SLC4A4: variants seen among roughly 807,000 people sequenced by gnomAD.
The protein encoded by SLC4A4 is solute carrier family 4 member 4.
Under a neutral mutation model 111.5 loss-of-function variants are expected in SLC4A4, and 27 were observed. That is an observed-to-expected ratio of 0.24 (90% confidence interval 0.18 to 0.33). The LOEUF (loss-of-function observed/expected upper bound fraction) is 0.33. Among genes scored for constraint, SLC4A4 ranks in the 10% least tolerant of loss-of-function variants. SLC4A4 has a pLI of 1.00. For synonymous variants in SLC4A4, 443 were observed against 463.4 expected, an observed-to-expected ratio of 0.96 and a Z score of 0.57; for missense variants, 909 against 1,315.5, an observed-to-expected ratio of 0.69 and a Z score of 4.78.
chr4:71,315,599 A>G (rs1324527337), intron 3 of SLC4A4, among the ~76,000 whole-genome samples: 2 of 152,146 alleles, frequency 1.3e-5, no homozygotes, highest in African/African-American at 4.8e-5. Flanking sequence ...CAGTATAAAT[A>G]TATTTACCTG....
intron 7 of SLC4A4, among the ~76,000 whole-genome samples, chr4:71,436,819 T>C (rs191016101): frequency 6.6e-6 from 1 of 152,290 alleles, no homozygotes; most frequent in Admixed American, 6.5e-5. Flanking sequence ...ATAAATCAAA[T>C]GCACCTTTTT....
chr4:71,197,186 GC>G (rs1448596947), intron 1 of SLC4A4, among the ~76,000 whole-genome samples: 1 of 152,164 alleles, frequency 6.6e-6, no homozygotes, highest in Non-Finnish European at 1.5e-5. Flanking sequence ...CTGCACTCCA[GC>G]CTGGGCGACA....
At chr4:71,103,403 G>C (rs1742817902) in intron 2 of SLC4A4, among the ~76,000 whole-genome samples, 1 of 152,112 alleles carries the variant, frequency 6.6e-6, no homozygotes, top group African/African-American at 2.4e-5. Flanking sequence ...ATTGAACTCA[G>C]CTCTGCACCA....
intron 1 of SLC4A4, among the ~76,000 whole-genome samples, chr4:71,088,666 C>T (rs1435580922): frequency 6.6e-6 from 1 of 151,936 alleles, no homozygotes; most frequent in Non-Finnish European, 1.5e-5. Context: ...ACTTATGAAG[C>T]TTAGTTTGGC....
intron 16 of SLC4A4, 51 bp from the exon 17 acceptor site, chr4:71,532,011 A>T: frequency 9.6e-7 from 1 of 1,039,496 alleles, no homozygotes; most frequent in Non-Finnish European, 1.5e-6. Context: ...ACACAGACAA[A>T]TATATGTATC....
chr4:71,279,504 A>G (rs1043158416), intron 3 of SLC4A4, among the ~76,000 whole-genome samples: 41 of 152,228 alleles, frequency 2.7e-4, no homozygotes, highest in African/African-American at 9.6e-4. Flanking sequence ...ATATGTATGT[A>G]TTATATATTT....
intron 18 of SLC4A4, among the ~76,000 whole-genome samples, chr4:71,538,151 C>T (rs947855565): frequency 2.0e-4 from 30 of 152,096 alleles, no homozygotes; most frequent in Admixed American, 2.6e-4. Context: ...TTATGATCTA[C>T]GGTTGGCTAG....
chr4:71,199,285 G>T (rs1364547205), intron 1 of SLC4A4, among the ~76,000 whole-genome samples: 1 of 152,138 alleles, frequency 6.6e-6, no homozygotes, highest in Non-Finnish European at 1.5e-5. Context: ...TACATTTGAG[G>T]TTATAAAATA....
intron 17 of SLC4A4, 96 bp from the exon 18 acceptor site, chr4:71,534,131 T>C: frequency 1.0e-6 from 1 of 997,316 alleles, no homozygotes; most frequent in Admixed American, 1.8e-5. Context: ...ATGTTGGTTA[T>C]CCAAATATAA....
chr4:71,549,114 T>C (rs938367468), intron 20 of SLC4A4, among the ~76,000 whole-genome samples: 1 of 151,906 alleles, frequency 6.6e-6, no homozygotes, highest in Non-Finnish European at 1.5e-5. Context: ...TACAGAGGGC[T>C]GTAAAAGAGT....
chr4:71,540,861 G>A (rs1032536847), intron 18 of SLC4A4, among the ~76,000 whole-genome samples: 5 of 152,294 alleles, frequency 3.3e-5, no homozygotes, highest in Admixed American at 2.6e-4. Flanking sequence ...TTGGTATATG[G>A]AGAAACATAT....
intron 3 of SLC4A4, among the ~76,000 whole-genome samples, chr4:71,267,004 CAGGA>C (rs1266715247): frequency 6.6e-6 from 1 of 152,150 alleles, no homozygotes; most frequent in African/African-American, 2.4e-5. Context: ...GTATCAGTAT[CAGGA>C]AGGATGAGAT....
At chr4:71,360,664 A>G (rs1028184604) in intron 6 of SLC4A4, among the ~76,000 whole-genome samples, 1 of 152,152 alleles carries the variant, frequency 6.6e-6, no homozygotes. Context: ...AACTATACTC[A>G]TTTGCCAGCT....
chr4:71,392,166 C>A (rs1719354150), intron 6 of SLC4A4, among the ~76,000 whole-genome samples: 2 of 152,114 alleles, frequency 1.3e-5, no homozygotes, highest in Admixed American at 1.3e-4. Context: ...TGGTCCTCAT[C>A]TTTTTCTTCT....
chr4:71,154,577 G>A (rs1014518456), intron 2 of SLC4A4, among the ~76,000 whole-genome samples: 1 of 152,126 alleles, frequency 6.6e-6, no homozygotes, highest in African/African-American at 2.4e-5. Context: ...GTTAACAACC[G>A]GGATTGATAG....
intron 2 of SLC4A4, among the ~76,000 whole-genome samples, chr4:71,163,513 A>T (rs909745790): frequency 6.6e-6 from 1 of 152,244 alleles, no homozygotes; most frequent in Non-Finnish European, 1.5e-5. Flanking sequence ...GACTTATCTC[A>T]GTCGGCTTCA....
intron 18 of SLC4A4, among the ~76,000 whole-genome samples, chr4:71,538,754 T>C (rs931999625): frequency 2.0e-5 from 3 of 152,076 alleles, no homozygotes; most frequent in African/African-American, 7.2e-5. Flanking sequence ...ACCTTTCCAC[T>C]CTGCTGAACA....
intron 16 of SLC4A4, among the ~76,000 whole-genome samples, chr4:71,520,654 CTATACTCT>C (rs1216266108): frequency 6.6e-6 from 1 of 152,162 alleles, no homozygotes; most frequent in Non-Finnish European, 1.5e-5. Flanking sequence ...GCTCCATTTC[CTATACTCT>C]TCTAGGCTTA....
At chr4:71,202,734 T>A (rs573903871) in intron 1 of SLC4A4, among the ~76,000 whole-genome samples, 5 of 152,230 alleles carry the variant, frequency 3.3e-5, no homozygotes, top group Non-Finnish European at 7.4e-5. Flanking sequence ...ATGAGATTGT[T>A]AGAAATGAAC....
Sources: gnomAD v4.1 joint callset for allele counts (sites outside exome capture counted in the v4.1 genomes callset) on GRCh38, gnomAD v4.1.1 for gene constraint, MANE v1.5 for transcripts, NCBI Gene and HGNC (gene_info 2026-07-23, HGNC 2026-07-21) for gene names.